Variants in PCDHGB7 observed in about 807,000 individuals in gnomAD.
The protein encoded by PCDHGB7 is protocadherin gamma subfamily B, 7, also known as protocadherin gamma-B7.
In PCDHGB7, 37 loss-of-function variants were observed where a neutral mutation model predicts 61.4. The ratio of observed to expected loss-of-function variants is 0.60; its 90% CI spans 0.46 to 0.79. The LOEUF (loss-of-function observed/expected upper bound fraction) is 0.79, where lower values mean the gene tolerates loss of function less well. PCDHGB7 is among the 30% of genes least tolerant of loss of function. The pLI is 0.00. For synonymous variants in PCDHGB7, 464 were observed against 503.5 expected (o/e 0.92, Z 1.05); for missense variants, 1,166 against 1,202.5 (o/e 0.97, Z 0.45).
intron 1 of PCDHGB7, chr5:141,441,694 G>A (rs1443778772): frequency 2.3e-5 from 7 of 301,140 alleles, no homozygotes; most frequent in Non-Finnish European, 2.6e-5. Context: ...GAGCAGCCGC[G>A]AGCCTTCAAG....
intron 1 of PCDHGB7, chr5:141,423,755 G>A (rs1236551808): frequency 2.5e-5 from 13 of 512,416 alleles, no homozygotes; most frequent in Non-Finnish European, 3.4e-5. Context: ...CTGTTTGGGG[G>A]GGGGGTGGGG....
At chr5:141,422,881 T>G in intron 1 of PCDHGB7, 1 of 1,614,214 alleles carries the variant, frequency 6.2e-7, no homozygotes, top group East Asian at 2.2e-5. Flanking sequence ...GCTGAGCCTG[T>G]TCGTGCTGGA....
chr5:141,417,800 C>T lies in PCDHGB7; in HGVS notation c.-60C>T. ...TCCTGGGCCGAATGCTCTTTTAGCG[C>T]GGTAGAGTGCACTTTCTCCAACTGG... On this transcript the variant is annotated 5_prime_UTR_variant, in exon 1 of 4. Coordinates refer to ENST00000398594, the MANE Select transcript of PCDHGB7 (RefSeq NM_018927.4). 1 of 1,489,386 alleles carries T rather than the reference C, an allele frequency of 6.7e-7. No homozygotes were observed. 92.3% of individuals were successfully genotyped at this position (1,489,386 alleles called of 1,614,324 possible).
chr5:141,451,789 G>A (rs2098724524), intron 1 of PCDHGB7, among the ~76,000 whole-genome samples: 1 of 152,074 alleles, frequency 6.6e-6, no homozygotes, highest in South Asian at 2.1e-4. Flanking sequence ...GCTGAGGCCA[G>A]AGAATTGCTT....
rs1283688342 is a variant in PCDHGB7, at chr5:141,437,688, T to G, written c.2415+17414T>G. On this transcript the variant is annotated intron_variant, in intron 1 of 3. Transcript: ENST00000398594. ...GAGATGTTGATCAAACTGATGAGGCTAAATCTCAAGAAAGAGACACAGTTA... is the reference window on the plus strand; with the variant it reads ...GAGATGTTGATCAAACTGATGAGGCGAAATCTCAAGAAAGAGACACAGTTA... Among the ~76,000 whole-genome samples the G allele has an allele frequency of 4.0e-5, 6 of 151,890 alleles. 1 individual carries two copies. The East Asian group carries it at 1.2e-3, about 29-fold the overall frequency.
chr5:141,469,603 GTAAAA>G (rs929191572), intron 1 of PCDHGB7, among the ~76,000 whole-genome samples: 9 of 152,038 alleles, frequency 5.9e-5, no homozygotes, highest in Admixed American at 1.3e-4. Context: ...AACAAAATAA[GTAAAA>G]TAAAATAAAT....
chr5:141,509,060 T>G (rs2099874519), intron 3 of PCDHGB7, among the ~76,000 whole-genome samples: 1 of 152,216 alleles, frequency 6.6e-6, no homozygotes, highest in Middle Eastern at 3.4e-3. Flanking sequence ...CAGAAAGCTC[T>G]CAGCTCCGGG....
chr5:141,421,309 C>T (rs781110850), intron 1 of PCDHGB7: 9 of 1,613,516 alleles, frequency 5.6e-6, no homozygotes, highest in Admixed American at 1.7e-5. Context: ...GCGGGGGTTC[C>T]GGGCCAGGCA....
chr5:141,478,549 A>G lies in PCDHGB7; in HGVS notation c.2416-16258A>G, dbSNP rs369095515. 8 of 1,602,904 alleles carry G rather than the reference A, an allele frequency of 5.0e-6. No individual in the cohort carries two copies. In the African/African-American group the frequency reaches 1.1e-4, roughly 21 times the overall value. On this transcript the variant is annotated intron_variant, in intron 1 of 3. Coordinates refer to ENST00000398594, the MANE Select transcript of PCDHGB7 (RefSeq NM_018927.4). ...CAGAGAGCGCCCCTCCCGGACAGGT[A>G]AGGTTTAGCAAGTCATGCTTGACCC...
intron 1 of PCDHGB7, among the ~76,000 whole-genome samples, chr5:141,475,750 T>C (rs1158317865): frequency 6.6e-6 from 1 of 152,270 alleles, no homozygotes; most frequent in African/African-American, 2.4e-5. Context: ...AGGTTTCCTA[T>C]GCACCGATAC....
chr5:141,491,071 C>T lies in PCDHGB7; in HGVS notation c.2416-3736C>T, dbSNP rs987564933. 1 of 1,614,152 alleles carries T rather than the reference C, an allele frequency of 6.2e-7. No individual in the cohort carries two copies. Among genetic ancestry groups the T allele is most frequent in the Non-Finnish European group, 8.5e-7 (1 of 1,180,028 alleles). ...TGCGTGGCTCTCCTACTCACTGTTGCCACAGTCCACAGCCCCAGGACTGTT... is the reference window on the plus strand; with the variant it reads ...TGCGTGGCTCTCCTACTCACTGTTGTCACAGTCCACAGCCCCAGGACTGTT... On this transcript the variant is annotated intron_variant, in intron 1 of 3. Transcript: ENST00000398594. This position sits in a 1 kb window ranked among gnomAD's most constrained non-coding sequence, Gnocchi z 6.9.
chr5:141,503,164 C>G (rs1262310388), intron 2 of PCDHGB7, among the ~76,000 whole-genome samples: 2 of 152,068 alleles, frequency 1.3e-5, no homozygotes, highest in East Asian at 3.9e-4. Flanking sequence ...ATCACAATTG[C>G]AATTACTCTA....
chr5:141,499,223 C>T (rs1478344280), intron 2 of PCDHGB7, among the ~76,000 whole-genome samples: 2 of 152,112 alleles, frequency 1.3e-5, no homozygotes, highest in African/African-American at 4.8e-5. Context: ...CCCTGCCCTG[C>T]AGCTGTCCCC....
At chr5:141,433,694 G>T (rs539494151) in intron 1 of PCDHGB7, among the ~76,000 whole-genome samples, 1 of 152,126 alleles carries the variant, frequency 6.6e-6, no homozygotes, top group South Asian at 2.1e-4. Flanking sequence ...AAAATTAGCC[G>T]GGCGTGGTGG....
chr5:141,476,078 C>G lies in PCDHGB7; in HGVS notation c.2416-18729C>G. On this transcript the variant is annotated intron_variant, in intron 1 of 3. Transcript: ENST00000398594. The surrounding 1 kb of genome is among the most constrained non-coding windows in gnomAD (Gnocchi z 7.6). ...AAGTTTCTCAGCGAAATCTCAGGGA[C>G]GATCTGGACCCCGCTGAGAGGAACT... is the stretch of plus-strand genomic sequence containing the variant. 1 of 1,528,034 alleles carries G rather than the reference C, an allele frequency of 6.5e-7. No homozygotes were observed. 94.7% of individuals were successfully genotyped at this position (1,528,034 alleles called of 1,614,324 possible).
intron 1 of PCDHGB7, among the ~76,000 whole-genome samples, chr5:141,433,404 T>TATCTATCA (rs757435896): frequency 6.8e-6 from 1 of 146,200 alleles, no homozygotes; most frequent in Non-Finnish European, 1.5e-5. Flanking sequence ...TCTATCTATC[T>TATCTATCA]ATTACTTTCT....
chr5:141,490,322 A>C lies in PCDHGB7; in HGVS notation c.2416-4485A>C. ...GCCTCTTTGGCCAACCCTGTCCTAGAGAGCACACCAGTGGGCACAGTAGTG... is the reference window on the plus strand; with the variant it reads ...GCCTCTTTGGCCAACCCTGTCCTAGCGAGCACACCAGTGGGCACAGTAGTG... On this transcript the variant is annotated intron_variant, in intron 1 of 3. Coordinates refer to ENST00000398594, the MANE Select transcript of PCDHGB7 (RefSeq NM_018927.4). This position sits in a 1 kb window ranked among gnomAD's most constrained non-coding sequence, Gnocchi z 5.4. The C allele has an allele frequency of 6.2e-7, 1 of 1,614,232 alleles. No individual in the cohort carries two copies. Among genetic ancestry groups the C allele is most frequent in the Non-Finnish European group, 8.5e-7 (1 of 1,180,038 alleles).
chr5:141,441,865 G>T, intron 1 of PCDHGB7: 1 of 345,726 alleles, frequency 2.9e-6, no homozygotes. Context: ...GCACGCCGCG[G>T]AGCCTGGCTA....
chr5:141,511,237 T>C lies in PCDHGB7; in HGVS notation c.*64T>C, dbSNP rs886816274. 1.9e-6 allele frequency: 3 copies of C among 1,590,378 alleles called. No homozygotes were observed. The South Asian group carries it at 3.4e-5, about 18-fold the overall frequency. ...CCAACCAGCCCAGCTTCTCCTTACC[T>C]GCACCCAGGCCTCAGAGTTTCAGGG... On this transcript the variant is annotated 3_prime_UTR_variant, in exon 4 of 4. Coordinates refer to ENST00000398594, the MANE Select transcript of PCDHGB7 (RefSeq NM_018927.4).
Sources: allele counts gnomAD v4.1 joint callset (sites outside exome capture counted in the v4.1 genomes callset), GRCh38; gene constraint gnomAD v4.1.1; non-coding constraint Gnocchi (gnomAD v3.1); transcripts MANE v1.5; gene names NCBI Gene and HGNC (gene_info 2026-07-23, HGNC 2026-07-21).